The following CERS6 variants were observed in gnomAD, a reference collection of about 807,000 sequenced individuals.
The protein encoded by CERS6 is ceramide synthase 6, also known as LAG1 homolog, ceramide synthase 6.
CERS6 carries 26 observed loss-of-function variants against 56.8 expected under a neutral mutation model. That is an observed-to-expected ratio of 0.46 (90% confidence interval 0.34 to 0.63). The LOEUF is 0.63. Ranked by LOEUF, CERS6 falls within the 30% of genes least tolerant of loss-of-function variation. The probability of loss-of-function intolerance (pLI) is 0.01; values close to 1 mark genes in which losing one functional copy is unlikely to be tolerated. For synonymous variants in CERS6, 164 were observed against 173.3 expected (o/e 0.95, Z 0.42); for missense variants, 415 against 467.5 (o/e 0.89, Z 1.04).
intron 8 of CERS6, among the ~76,000 whole-genome samples, chr2:168,757,326 A>G (rs1453029184): frequency 6.6e-6 from 1 of 151,514 alleles, no homozygotes; most frequent in Non-Finnish European, 1.5e-5. Flanking sequence ...AGGCAGACAT[A>G]CAGCAAATAG....
chr2:168,752,507 T>G (rs1684303235), intron 8 of CERS6, among the ~76,000 whole-genome samples: 1 of 152,188 alleles, frequency 6.6e-6, no homozygotes, highest in Non-Finnish European at 1.5e-5. Flanking sequence ...GGCTGCAGAC[T>G]CTCCTGTCTA....
chr2:168,602,073 G>A (rs1415238358), intron 3 of CERS6, among the ~76,000 whole-genome samples: 7 of 152,216 alleles, frequency 4.6e-5, no homozygotes, highest in Non-Finnish European at 1.0e-4. Context: ...AGGGTTCTGA[G>A]AGGCAGTCAC....
chr2:168,505,879 C>T (rs1029495310), intron 1 of CERS6, among the ~76,000 whole-genome samples: 5 of 152,122 alleles, frequency 3.3e-5, no homozygotes, highest in African/African-American at 1.2e-4. Flanking sequence ...TTTAAAGTGA[C>T]CAGCTTCCTT....
chr2:168,508,714 G>A (rs929705160), intron 1 of CERS6, among the ~76,000 whole-genome samples: 2 of 152,022 alleles, frequency 1.3e-5, no homozygotes, highest in Admixed American at 1.3e-4. Context: ...CCTGTCGGGG[G>A]GTGGGGGGTA....
Position 168,769,568 on chromosome 2 carries a change from C to T in CERS6, c.1061C>T (p.Pro354Leu), listed in dbSNP as rs982340851. The T allele has an allele frequency of 6.2e-7, 1 of 1,612,382 alleles. No individual in the cohort carries two copies. The highest frequency in any genetic ancestry group is 1.7e-5 in the Admixed American group (1 of 59,670). The part of the protein sequence containing the change: ...ESSSDEEDSE[P>L]PGKNPHTATT... ...AGCTCAGATGAGGAGGACTCAGAAC[C>T]TCCGGGAAAGAATCCCCACACTGCG... is the stretch of plus-strand genomic sequence containing the variant. The change falls in exon 10 of 10, where the codon CCT (proline) becomes CTT (leucine). Residue 354 changes from proline (P) to leucine (L), a missense_variant. Coordinates refer to ENST00000305747, the MANE Select transcript of CERS6 (RefSeq NM_203463.3).
intron 1 of CERS6, among the ~76,000 whole-genome samples, chr2:168,537,068 TC>T (rs1284248005): frequency 6.6e-6 from 1 of 152,124 alleles, no homozygotes; most frequent in African/African-American, 2.4e-5. Context: ...CCACCTTTTT[TC>T]CACATGGGCT....
intron 2 of CERS6, among the ~76,000 whole-genome samples, chr2:168,560,497 A>G (rs1695767856): frequency 6.6e-6 from 1 of 152,202 alleles, no homozygotes; most frequent in African/African-American, 2.4e-5. Context: ...CTATCATTTC[A>G]GGGCCATCTC....
At chr2:168,735,134 C>T (rs1432993912) in intron 8 of CERS6, among the ~76,000 whole-genome samples, 1 of 152,134 alleles carries the variant, frequency 6.6e-6, no homozygotes, top group Non-Finnish European at 1.5e-5. Flanking sequence ...CAAGACTAAT[C>T]TTATGTCTCA....
chr2:168,559,733 T>TATATATATATATATATATATATATATATA, intron 2 of CERS6, among the ~76,000 whole-genome samples: 1 of 66,246 alleles, frequency 1.5e-5, no homozygotes, highest in Non-Finnish European at 3.2e-5. Flanking sequence ...TAGAAAGGTA[T>TATATATATATATATATATATATATATATA]CATATATATA....
intron 3 of CERS6, among the ~76,000 whole-genome samples, chr2:168,629,154 A>G (rs1488362591): frequency 6.6e-6 from 1 of 152,228 alleles, no homozygotes; most frequent in Admixed American, 6.5e-5. Context: ...TCTATGTGTT[A>G]TGAAAACTGG....
chr2:168,744,611 G>T (rs1050738880), intron 8 of CERS6, among the ~76,000 whole-genome samples: 12 of 152,314 alleles, frequency 7.9e-5, no homozygotes, highest in South Asian at 4.1e-4. Flanking sequence ...AAAAGTTAAG[G>T]ATTTTAAAGC....
At chr2:168,526,865 C>T (rs1188841402) in intron 1 of CERS6, among the ~76,000 whole-genome samples, 1 of 152,212 alleles carries the variant, frequency 6.6e-6, no homozygotes, top group African/African-American at 2.4e-5. Flanking sequence ...TCAACAAATT[C>T]TGTATTAGCC....
intron 4 of CERS6, among the ~76,000 whole-genome samples, chr2:168,650,760 T>C (rs1685323766): frequency 6.6e-6 from 1 of 152,186 alleles, no homozygotes; most frequent in Admixed American, 6.5e-5. Context: ...CCTTCAATTA[T>C]TATTAAAATC....
intron 4 of CERS6, among the ~76,000 whole-genome samples, chr2:168,662,724 C>T (rs1404937492): frequency 2.6e-5 from 4 of 151,202 alleles, no homozygotes; most frequent in Non-Finnish European, 5.9e-5. Context: ...AAGAGCGAAA[C>T]CCTGTCTCAA....
At chr2:168,559,763 TATTACTTGAAGTTTGGTC>T (rs1470792253) in intron 2 of CERS6, among the ~76,000 whole-genome samples, 1 of 24,616 alleles carries the variant, frequency 4.1e-5, no homozygotes, top group Non-Finnish European at 9.8e-5. Context: ...ATTTCACCCT[TATTACTTGAAGTTTGGTC>T]ATTGTGCCTT....
chr2:168,670,974 C>CCCG (rs1553506489), intron 4 of CERS6, among the ~76,000 whole-genome samples: 1 of 68,246 alleles, frequency 1.5e-5, no homozygotes, highest in African/African-American at 3.5e-5. Flanking sequence ...CTTCCCCCCC[C>CCCG]CCCCCCAGAC....
chr2:168,574,300 G>T (rs955759405), intron 3 of CERS6, among the ~76,000 whole-genome samples: 3 of 151,606 alleles, frequency 2.0e-5, no homozygotes, highest in African/African-American at 2.4e-5. Context: ...AAACCCAAAA[G>T]CTTCTCTTAC....
At chr2:168,628,862 G>A (rs1468161736) in intron 3 of CERS6, among the ~76,000 whole-genome samples, 1 of 150,644 alleles carries the variant, frequency 6.6e-6, no homozygotes, top group Non-Finnish European at 1.5e-5. Flanking sequence ...GCAGTAGGTT[G>A]AAGGTCATAT....
intron 1 of CERS6, among the ~76,000 whole-genome samples, chr2:168,510,682 GT>G (rs927946318): frequency 1.6e-4 from 24 of 152,080 alleles, no homozygotes; most frequent in African/African-American, 5.5e-4. Flanking sequence ...CTTGTTCAGT[GT>G]TTTTTTCTTT....
Sources: allele counts gnomAD v4.1 joint callset (sites outside exome capture counted in the v4.1 genomes callset), GRCh38; gene constraint gnomAD v4.1.1; transcripts MANE v1.5; gene names NCBI Gene and HGNC (gene_info 2026-07-23, HGNC 2026-07-21).